The following FBXW2 variants were observed in gnomAD, a reference collection of about 807,000 sequenced individuals.
The protein encoded by FBXW2 is F-box and WD repeat domain containing 2, also known as F-box/WD repeat-containing protein 2.
Under a neutral mutation model 46.0 loss-of-function variants are expected in FBXW2, and 12 were observed. That is an observed-to-expected ratio of 0.26 (90% CI 0.17 to 0.42). FBXW2 has a LOEUF of 0.42. Among genes scored for constraint, FBXW2 ranks in the 10% least tolerant of loss-of-function variants. The pLI, the probability that FBXW2 is intolerant of heterozygous loss-of-function variation, is 1.00. For synonymous variants in FBXW2, 203 were observed against 209.6 expected (o/e 0.97, Z 0.27); for missense variants, 360 against 537.0 (o/e 0.67, Z 3.26).
intron 7 of FBXW2, 27 bp from the exon 8 acceptor site, chr9:120,764,874 G>T (rs919423558): frequency 1.3e-6 from 2 of 1,500,952 alleles, no homozygotes; most frequent in African/African-American, 2.8e-5. Context: ...TAGGGACTGT[G>T]AAAGAAGGCA....
Position 120,764,346 on chromosome 9 carries a change from TA to T in FBXW2, c.*212del. On this transcript the variant is annotated 3_prime_UTR_variant, in exon 8 of 8. Transcript: ENST00000608872. ...CTAAGTACAAATGAAGTCAATGGTG[TA>T]CCCCATTAGCATGCTGCGTTGTATG... 1 of 560,312 alleles carries T rather than the reference TA, an allele frequency of 1.8e-6. No individual in the cohort carries two copies. The highest frequency in any genetic ancestry group is 3.2e-6 in the Non-Finnish European group (1 of 314,582). 34.7% of individuals were successfully genotyped at this position (560,312 alleles called of 1,614,324 possible).
At chr9:120,773,170 G>A (rs1336110551) in intron 5 of FBXW2, among the ~76,000 whole-genome samples, 1 of 148,776 alleles carries the variant, frequency 6.7e-6, no homozygotes, top group Non-Finnish European at 1.5e-5. Flanking sequence ...CTGGGCAACA[G>A]AGCAAGACCA....
Position 120,785,012 on chromosome 9 carries a change from A to T in FBXW2, c.490+2757T>A, listed in dbSNP as rs1022255243. Among the ~76,000 whole-genome samples the T allele has an allele frequency of 1.5e-3, 213 of 142,880 alleles. 3 individuals carry two copies. The highest frequency in any genetic ancestry group is 4.4e-3 in the African/African-American group (172 of 39,240). The allele number at this position is 142,880 out of a possible 152,430, so 93.7% of individuals were successfully genotyped here. A position where few individuals can be genotyped will look rare whatever the true frequency, so the allele number is the denominator to read the frequency against. The stretch of plus-strand genomic sequence containing the variant: ...CTCCAAGATGATACTGCATCTTAAT[A>T]TTTTTTTTTTTTTTGAGACAGGGTT... On this transcript the variant is annotated intron_variant, in intron 3 of 7. Coordinates refer to ENST00000608872, the MANE Select transcript of FBXW2 (RefSeq NM_012164.4).
Position 120,793,132 on chromosome 9 carries a change from T to C in FBXW2, c.-21+17A>G. Reference sequence around the variant, plus strand: ...CAGGTCCCTTGCTCTCGGAATCGTGTTCCGCGCGGCACTGACCTGAGCGAG... The same window carrying C: ...CAGGTCCCTTGCTCTCGGAATCGTGCTCCGCGCGGCACTGACCTGAGCGAG... On this transcript the variant is annotated intron_variant, in intron 2 of 7. Transcript: ENST00000608872. 1 of 665,118 alleles carries C rather than the reference T, an allele frequency of 1.5e-6. No individual in the cohort carries two copies. Among genetic ancestry groups the C allele is most frequent in the Non-Finnish European group, 2.6e-6 (1 of 384,084 alleles). The allele number at this position is 665,118 out of a possible 1,614,324, so 41.2% of individuals were successfully genotyped here. A position where few individuals can be genotyped will look rare whatever the true frequency, so the allele number is the denominator to read the frequency against.
At chr9:120,775,227 A>C (rs1221476516) in intron 5 of FBXW2, among the ~76,000 whole-genome samples, 1 of 152,104 alleles carries the variant, frequency 6.6e-6, no homozygotes, top group African/African-American at 2.4e-5. Context: ...TACTTTCAGT[A>C]GCGACGGAGT....
In FBXW2 at chr9:120,778,538, A is replaced by T. The variant is rs1415995200; in HGVS notation, c.498T>A (p.Asp166Glu). 1 of 1,613,118 alleles carries T rather than the reference A, an allele frequency of 6.2e-7. No homozygotes were observed. Among genetic ancestry groups the T allele is most frequent in the South Asian group, 1.1e-5 (1 of 91,004 alleles). Residue 166 changes from aspartate (D) to glutamate (E), a missense_variant, in exon 4 of 8, where the codon GAT (aspartate) becomes GAA (glutamate). Coordinates refer to ENST00000608872, the MANE Select transcript of FBXW2 (RefSeq NM_012164.4). ...CATCCCACAGCTTTGCAGACAAGTC[A>T]TCTGACCCTTCAAGAGAAAAACAGG... ...YKDGLLCTGS[D>E]DLSAKLWDVS... is the part of the protein sequence containing the mutation.
At position 120,788,142 on chromosome 9, in the gene FBXW2, G is replaced by C. The variant is rs772878005; in HGVS notation, c.117C>G (p.Val39=). The change falls in exon 3 of 8, where the codon GTC becomes GTG. Residue 39 remains valine, a synonymous_variant. Transcript: ENST00000608872. ...GGTTATTGGAGAGATGCCTGAGCTG[G>C]ACTGCCCCACTCAGACTAATCAGGT... ...LDHLISLSGA[V]QLRHLSNNLE... is the part of the protein sequence containing the mutation. The C allele has an allele frequency of 6.2e-7, 1 of 1,614,178 alleles. No individual in the cohort carries two copies. The highest frequency in any genetic ancestry group is 1.7e-5 in the Admixed American group (1 of 60,026).
chr9:120,776,724 A>G (rs374697886), intron 4 of FBXW2: 5 of 154,206 alleles, frequency 3.2e-5, no homozygotes, highest in African/African-American at 1.2e-4. Flanking sequence ...CCATTAACTC[A>G]AAAGTGTCTG....
chr9:120,778,210 A>AAGGGAAATAACTGCAATGACT (rs2044539510), intron 4 of FBXW2, 141 bp downstream of exon 4: 11 of 800,116 alleles, frequency 1.4e-5, no homozygotes, highest in Non-Finnish European at 2.0e-5. Context: ...AACTAGAATA[A>AAGGGAAATAACTGCAATGACT]AGGGAAATAA....
intron 3 of FBXW2, among the ~76,000 whole-genome samples, chr9:120,785,711 C>T (rs2044705392): frequency 1.3e-5 from 2 of 151,988 alleles, no homozygotes; most frequent in South Asian, 4.1e-4. Flanking sequence ...TCAATTCAAT[C>T]TATCTGGAAA....
At chr9:120,789,370 A>T (rs930705603) in intron 2 of FBXW2, among the ~76,000 whole-genome samples, 1 of 152,186 alleles carries the variant, frequency 6.6e-6, no homozygotes, top group African/African-American at 2.4e-5. Flanking sequence ...TGTAACAAAT[A>T]ATTTTTTTTA....
At chr9:120,785,740 T>C (rs1477161347) in intron 3 of FBXW2, among the ~76,000 whole-genome samples, 4 of 151,964 alleles carry the variant, frequency 2.6e-5, no homozygotes, top group Admixed American at 2.6e-4. Flanking sequence ...AGAAGAGCTA[T>C]AAAATTGGGC....
At chr9:120,782,530 G>C (rs1275650997) in intron 3 of FBXW2, among the ~76,000 whole-genome samples, 3 of 151,846 alleles carry the variant, frequency 2.0e-5, no homozygotes, top group African/African-American at 7.3e-5. Flanking sequence ...GGGGGAAGGG[G>C]CATGGGCAAT....
chr9:120,772,816 T>C lies in FBXW2; in HGVS notation c.844A>G (p.Lys282Glu), dbSNP rs749573860. 55 of 1,611,998 alleles carry C rather than the reference T, an allele frequency of 3.4e-5. No homozygotes were observed. The highest frequency in any genetic ancestry group is 4.6e-5 in the Non-Finnish European group (54 of 1,179,170). ...TKVVLQKCKV[K>E]SLLHSPGDYI... ...TCTCCAGGACTGTGCAAGAGAGACT[T>C]GACTTTGCACTTCTGCAAAACTACC... is the stretch of plus-strand genomic sequence containing the variant. The change falls in exon 6 of 8, where the codon AAG becomes GAG. Residue 282 changes from lysine (K) to glutamate (E), a missense_variant. Lys to Glu is a moderately conservative substitution (Grantham distance 56). Transcript: ENST00000608872.
Position 120,761,922 on chromosome 9 carries a change from A to G in FBXW2, c.*2637T>C, listed in dbSNP as rs1441375440. The stretch of plus-strand genomic sequence containing the variant: ...ACAGCTTCAAGTTTGTCACTTTTTA[A>G]TAAAACTTTTCCCACAAATGATTAT... On this transcript the variant is annotated 3_prime_UTR_variant, in exon 8 of 8. Transcript: ENST00000608872. The G allele has an allele frequency of 6.6e-6, 1 of 152,260 alleles. No individual in the cohort carries two copies. Among genetic ancestry groups the G allele is most frequent in the Non-Finnish European group, 1.5e-5 (1 of 68,052 alleles). The allele number at this position is 152,260 out of a possible 1,614,324, so 9.4% of individuals were successfully genotyped here.
chr9:120,777,083 TA>T (rs1343469421), intron 4 of FBXW2, among the ~76,000 whole-genome samples: 1 of 152,046 alleles, frequency 6.6e-6, no homozygotes, highest in Non-Finnish European at 1.5e-5. Context: ...GAGGGAATAG[TA>T]AAGGTATGAA....
At chr9:120,790,879 C>CT (rs2044825157) in intron 2 of FBXW2, among the ~76,000 whole-genome samples, 1 of 152,078 alleles carries the variant, frequency 6.6e-6, no homozygotes. Flanking sequence ...ACGGAAGAAG[C>CT]TTTTTCAGAG....
At chr9:120,771,325 C>A in intron 7 of FBXW2, 23 bp downstream of exon 7, 1 of 1,592,758 alleles carries the variant, frequency 6.3e-7, no homozygotes, top group Non-Finnish European at 8.6e-7. Flanking sequence ...AAAGGTAAAG[C>A]GTGAGGTCGA....
At chr9:120,785,540 A>G (rs1281055428) in intron 3 of FBXW2, among the ~76,000 whole-genome samples, 2 of 152,236 alleles carry the variant, frequency 1.3e-5, no homozygotes, top group Non-Finnish European at 2.9e-5. Flanking sequence ...CTAGCATTTC[A>G]GAGAAAATAT....
Sources: allele counts gnomAD v4.1 joint callset (sites outside exome capture counted in the v4.1 genomes callset), GRCh38; gene constraint gnomAD v4.1.1; transcripts MANE v1.5; gene names NCBI Gene and HGNC (gene_info 2026-07-23, HGNC 2026-07-21).